The following NFIB variants were observed in gnomAD, a reference collection of about 807,000 sequenced individuals.
NFIB encodes the protein nuclear factor 1 B-type.
A neutral mutation model predicts 61.5 loss-of-function variants in NFIB; 11 were observed. That is an observed-to-expected ratio of 0.18 (90% confidence interval 0.11 to 0.30). The LOEUF (loss-of-function observed/expected upper bound fraction) is 0.30, where lower values mean the gene tolerates loss of function less well. Ranked by LOEUF, NFIB falls within the 10% of genes least tolerant of loss-of-function variation. NFIB has a pLI of 1.00. For synonymous variants in NFIB, 260 were observed against 216.5 expected (o/e 1.20, Z -1.76); for missense variants, 471 against 608.9 (o/e 0.77, Z 2.38).
intron 2 of NFIB, among the ~76,000 whole-genome samples, chr9:14,295,934 C>A (rs574150140): frequency 1.3e-5 from 2 of 152,262 alleles, no homozygotes; most frequent in African/African-American, 4.8e-5. Flanking sequence ...TCTGGTAAAT[C>A]TGAGACAAAA....
At chr9:14,275,731 A>C (rs1032709371) in intron 2 of NFIB, among the ~76,000 whole-genome samples, 2 of 152,156 alleles carry the variant, frequency 1.3e-5, no homozygotes, top group Non-Finnish European at 2.9e-5. Flanking sequence ...GAGATGCTAC[A>C]TTCCTGTGGC....
intron 6 of NFIB, among the ~76,000 whole-genome samples, chr9:14,142,433 C>G (rs1033673784): frequency 6.6e-6 from 1 of 152,108 alleles, no homozygotes; most frequent in African/African-American, 2.4e-5. Flanking sequence ...TGCCCAGTCT[C>G]AAGTAGGTCT....
At chr9:14,243,188 A>T (rs2054528541) in intron 2 of NFIB, among the ~76,000 whole-genome samples, 1 of 152,226 alleles carries the variant, frequency 6.6e-6, no homozygotes, top group African/African-American at 2.4e-5. Context: ...TTAGAAAGAC[A>T]GAATATATGA....
At position 14,262,740 on chromosome 9, in the gene NFIB, G is replaced by A. The variant is rs190899087; in HGVS notation, c.562+44249C>T. On this transcript the variant is annotated intron_variant, in intron 2 of 10. Transcript: ENST00000380953. ...GCGGAGAAAGAAAAGATGTTCATAC[G>A]CGTCAAGAGTCACTGGTAAGGCAGC... Among the ~76,000 whole-genome samples the A allele has an allele frequency of 3.7e-4, 57 of 152,226 alleles. 1 individual carries two copies. Among genetic ancestry groups the A allele is most frequent in the Middle Eastern group, 6.8e-3 (2 of 294 alleles).
At chr9:14,354,014 C>T (rs1378007233) in intron 1 of NFIB, among the ~76,000 whole-genome samples, 3 of 152,214 alleles carry the variant, frequency 2.0e-5, no homozygotes, top group East Asian at 3.9e-4. Flanking sequence ...CCAACCTCCC[C>T]TTCCTTCTCT....
chr9:14,342,959 T>A (rs1325294102), intron 1 of NFIB, among the ~76,000 whole-genome samples: 3 of 151,954 alleles, frequency 2.0e-5, no homozygotes, highest in Middle Eastern at 6.3e-3. Context: ...TATGTTTTTG[T>A]CTGTATATTA....
chr9:14,238,298 A>C (rs2054006100), intron 2 of NFIB, among the ~76,000 whole-genome samples: 1 of 152,134 alleles, frequency 6.6e-6, no homozygotes, highest in South Asian at 2.1e-4. Context: ...AGAGGGAGGC[A>C]AGGGTCAGAT....
Position 14,086,772 on chromosome 9 carries a change from AT to A in NFIB, c.*1536del, listed in dbSNP as rs1004550770. The A allele has an allele frequency of 4.0e-5, 8 of 200,914 alleles. No individual in the cohort carries two copies. Among genetic ancestry groups the A allele is most frequent in the African/African-American group, 1.6e-4 (7 of 42,676 alleles). 12.4% of individuals were successfully genotyped at this position (200,914 alleles called of 1,614,324 possible). On this transcript the variant is annotated 3_prime_UTR_variant, in exon 11 of 11. Coordinates refer to ENST00000380953, the MANE Select transcript of NFIB (RefSeq NM_001190737.2). ...AAGTGTAGTGATGTCACTTTGTTGTATTTTTTTGTTTTTTTTTTTTTGTTTT... is the reference window on the plus strand; with the variant it reads ...AAGTGTAGTGATGTCACTTTGTTGTATTTTTTGTTTTTTTTTTTTTGTTTT...
chr9:14,099,537 A>AATATG (rs1170212202), intron 10 of NFIB, among the ~76,000 whole-genome samples: 1 of 152,244 alleles, frequency 6.6e-6, no homozygotes, highest in Non-Finnish European at 1.5e-5. Context: ...TGTATTATCA[A>AATATG]ATATGAACTC....
chr9:14,522,488 C>G, the NFIB span, among the ~76,000 whole-genome samples: 1 of 152,096 alleles, frequency 6.6e-6, no homozygotes, highest in African/African-American at 2.4e-5. Context: ...GCATTGTTGT[C>G]TCTTTTAAAG....
chr9:14,090,586 G>A (rs1227870210), intron 10 of NFIB, among the ~76,000 whole-genome samples: 2 of 152,002 alleles, frequency 1.3e-5, no homozygotes, highest in African/African-American at 4.8e-5. Flanking sequence ...CATAGCTGGT[G>A]CTATTTCTTA....
At position 14,087,065 on chromosome 9, in the gene NFIB, T is replaced by C. The variant is rs1044757171; in HGVS notation, c.*1244A>G. ...TATCCTACACCCTGGCGTTCCCAGTTTGTAAACTGTAAGCTTTACCCTTGT... is the reference window on the plus strand; with the variant it reads ...TATCCTACACCCTGGCGTTCCCAGTCTGTAAACTGTAAGCTTTACCCTTGT... On this transcript the variant is annotated 3_prime_UTR_variant, in exon 11 of 11. Transcript: ENST00000380953. 2.5e-5 allele frequency: 5 copies of C among 202,816 alleles called. No homozygotes were observed. Among genetic ancestry groups the C allele is most frequent in the African/African-American group, 1.1e-4 (5 of 43,574 alleles). 12.6% of individuals were successfully genotyped at this position (202,816 alleles called of 1,614,324 possible).
At chr9:14,390,162 C>A (rs149463703) in intron 1 of NFIB, among the ~76,000 whole-genome samples, 45 of 152,072 alleles carry the variant, frequency 3.0e-4, no homozygotes, top group African/African-American at 9.2e-4. Flanking sequence ...ACTGATGCCC[C>A]CAAAGGAAAA....
intron 1 of NFIB, among the ~76,000 whole-genome samples, chr9:14,308,447 A>G: frequency 6.6e-6 from 1 of 152,260 alleles, no homozygotes; most frequent in East Asian, 1.9e-4. Context: ...GCTTCCCTAT[A>G]GAATATGCAG....
chr9:14,413,943 C>T, the NFIB span, among the ~76,000 whole-genome samples: 1 of 152,090 alleles, frequency 6.6e-6, no homozygotes, highest in African/African-American at 2.4e-5. Flanking sequence ...ATGAGTGTTC[C>T]TGTGGAAATC....
the NFIB span, among the ~76,000 whole-genome samples, chr9:14,480,961 A>G: frequency 1.3e-5 from 2 of 151,932 alleles, no homozygotes; most frequent in African/African-American, 4.8e-5. Flanking sequence ...AAATAAAAAC[A>G]GTAGCAGACA....
chr9:14,333,246 G>T (rs770137830), intron 1 of NFIB, among the ~76,000 whole-genome samples: 3 of 152,136 alleles, frequency 2.0e-5, no homozygotes, highest in Non-Finnish European at 4.4e-5. Context: ...GTGTAATCTT[G>T]TCTCTTGTTT....
At chr9:14,434,703 T>C in the NFIB span, among the ~76,000 whole-genome samples, 1,913 of 152,348 alleles carry the variant, frequency 0.013, 24 homozygotes, top group Middle Eastern at 0.044. Flanking sequence ...GAGTGTTCTA[T>C]GCTAGATAAG....
chr9:14,445,476 G>T, the NFIB span, among the ~76,000 whole-genome samples: 3 of 151,946 alleles, frequency 2.0e-5, no homozygotes, highest in Non-Finnish European at 4.4e-5. Flanking sequence ...ACCTCCTATT[G>T]CCAGTTGGCA....
Sources: gnomAD v4.1 joint callset for allele counts (sites outside exome capture counted in the v4.1 genomes callset) on GRCh38, gnomAD v4.1.1 for gene constraint, MANE v1.5 for transcripts, NCBI Gene and HGNC (gene_info 2026-07-23, HGNC 2026-07-21) for gene names.